The following PTPRM variants were observed in gnomAD, a reference collection of about 807,000 sequenced individuals.
The protein encoded by PTPRM is receptor-type tyrosine-protein phosphatase mu.
PTPRM carries 47 observed loss-of-function variants against 186.7 expected under a neutral mutation model. The ratio of observed to expected loss-of-function variants is 0.25; its 90% CI spans 0.20 to 0.32. The LOEUF (loss-of-function observed/expected upper bound fraction) is 0.32, where lower values mean the gene tolerates loss of function less well. Ranked by LOEUF, PTPRM falls within the 10% of genes least tolerant of loss-of-function variation. The pLI is 1.00. For missense variants in PTPRM, 1,494 were observed against 1,865.0 expected, an observed-to-expected ratio of 0.80 and a Z score of 3.66; for synonymous variants, 668 against 674.9, an observed-to-expected ratio of 0.99 and a Z score of 0.16.
intron 14 of PTPRM, among the ~76,000 whole-genome samples, chr18:8,209,679 G>A (rs2093976175): frequency 6.6e-6 from 1 of 151,998 alleles, no homozygotes; most frequent in Non-Finnish European, 1.5e-5. Flanking sequence ...TTTAAAATGA[G>A]GCAATTAGGG....
At chr18:7,648,094 A>G (rs2038607750) in intron 1 of PTPRM, among the ~76,000 whole-genome samples, 1 of 152,098 alleles carries the variant, frequency 6.6e-6, no homozygotes, top group Admixed American at 6.5e-5. Context: ...TCAGATTTTG[A>G]TAATTCTCAC....
chr18:8,158,706 C>T (rs561004296), intron 14 of PTPRM, among the ~76,000 whole-genome samples: 1 of 152,244 alleles, frequency 6.6e-6, no homozygotes, highest in Admixed American at 6.5e-5. Context: ...AAGCATGGTG[C>T]CAGCATCTGT....
chr18:7,810,853 C>T (rs1426634914), intron 2 of PTPRM, among the ~76,000 whole-genome samples: 2 of 152,100 alleles, frequency 1.3e-5, no homozygotes, highest in African/African-American at 2.4e-5. Flanking sequence ...TTACCAAAAC[C>T]CCTTTTCATT....
chr18:8,236,933 A>G (rs971985213), intron 14 of PTPRM, among the ~76,000 whole-genome samples: 3 of 152,066 alleles, frequency 2.0e-5, no homozygotes, highest in African/African-American at 7.2e-5. Context: ...TGTTGCTCTT[A>G]TTCTTTCTTT....
intron 2 of PTPRM, among the ~76,000 whole-genome samples, chr18:7,887,089 T>G (rs994123483): frequency 6.6e-6 from 1 of 152,172 alleles, no homozygotes; most frequent in Non-Finnish European, 1.5e-5. Flanking sequence ...GTGTAGTATT[T>G]TTATTTTTTT....
intron 11 of PTPRM, among the ~76,000 whole-genome samples, chr18:8,095,000 G>A (rs891415990): frequency 1.3e-5 from 2 of 152,138 alleles, no homozygotes; most frequent in African/African-American, 4.8e-5. Context: ...TCCACAGCAA[G>A]GATAATACCC....
chr18:8,119,665 T>A (rs1299161674), intron 13 of PTPRM, among the ~76,000 whole-genome samples: 1 of 152,192 alleles, frequency 6.6e-6, no homozygotes, highest in Admixed American at 6.5e-5. Context: ...GGAAAAACCC[T>A]ATGCTTTCCA....
intron 1 of PTPRM, among the ~76,000 whole-genome samples, chr18:7,634,288 C>G (rs2038261711): frequency 6.6e-6 from 1 of 152,044 alleles, no homozygotes. Flanking sequence ...TCCCATTGTA[C>G]TGTTGCCTCT....
intron 1 of PTPRM, among the ~76,000 whole-genome samples, chr18:7,708,929 C>T (rs1164547970): frequency 1.3e-5 from 2 of 152,076 alleles, no homozygotes; most frequent in Non-Finnish European, 2.9e-5. Flanking sequence ...AAAATGTGTT[C>T]AGGTTTGCTC....
chr18:7,627,857 T>G (rs1472000534), intron 1 of PTPRM, among the ~76,000 whole-genome samples: 2 of 152,198 alleles, frequency 1.3e-5, no homozygotes, highest in Non-Finnish European at 2.9e-5. Context: ...AATGGGGTGT[T>G]GTGCGGTGCT....
At chr18:7,780,076 C>T (rs755006156) in intron 2 of PTPRM, among the ~76,000 whole-genome samples, 1 of 152,152 alleles carries the variant, frequency 6.6e-6, no homozygotes, top group Non-Finnish European at 1.5e-5. Flanking sequence ...TTCCATATAG[C>T]TTTCTTCTCT....
intron 7 of PTPRM, among the ~76,000 whole-genome samples, chr18:8,033,319 T>C (rs1480566595): frequency 6.6e-6 from 1 of 152,130 alleles, no homozygotes; most frequent in Non-Finnish European, 1.5e-5. Flanking sequence ...ACATATGTAC[T>C]ATACATACAC....
chr18:8,389,658 G>T (rs1037736681), intron 31 of PTPRM, among the ~76,000 whole-genome samples: 1 of 152,188 alleles, frequency 6.6e-6, no homozygotes, highest in African/African-American at 2.4e-5. Context: ...TAGGCCTGGT[G>T]AGAATGTTTA....
intron 8 of PTPRM, 117 bp downstream of exon 8, chr18:8,070,111 C>A: frequency 1.1e-6 from 1 of 897,856 alleles, no homozygotes; most frequent in Non-Finnish European, 1.7e-6. Flanking sequence ...TTGAACAACA[C>A]AAATGTGTAT....
chr18:8,000,389 GTTTA>G (rs902793545), intron 7 of PTPRM, among the ~76,000 whole-genome samples: 5 of 152,164 alleles, frequency 3.3e-5, no homozygotes, highest in Admixed American at 3.3e-4. Flanking sequence ...ATATCAATTT[GTTTA>G]TTCCCCTCTT....
intron 14 of PTPRM, among the ~76,000 whole-genome samples, chr18:8,174,520 A>G (rs946970448): frequency 1.3e-5 from 2 of 152,218 alleles, no homozygotes; most frequent in Non-Finnish European, 1.5e-5. Context: ...ATTTGATGAA[A>G]GAATTATCAA....
intron 20 of PTPRM, 77 bp downstream of exon 20, chr18:8,296,532 C>A: frequency 9.1e-7 from 1 of 1,095,786 alleles, no homozygotes; most frequent in Non-Finnish European, 1.4e-6. Flanking sequence ...CAGGCTCATA[C>A]AGAGGAAATT....
chr18:7,587,600 C>A (rs1362843098), intron 1 of PTPRM, among the ~76,000 whole-genome samples: 1 of 152,078 alleles, frequency 6.6e-6, no homozygotes, highest in African/African-American at 2.4e-5. Context: ...TCCTCAATGA[C>A]TGTTAATTTC....
chr18:8,201,132 A>G (rs577511617), intron 14 of PTPRM, among the ~76,000 whole-genome samples: 21 of 152,282 alleles, frequency 1.4e-4, no homozygotes, highest in Admixed American at 1.1e-3. Flanking sequence ...ACTGGCCAAC[A>G]TAGCAAAACC....
Sources: gnomAD v4.1 joint callset for allele counts (sites outside exome capture counted in the v4.1 genomes callset) on GRCh38, gnomAD v4.1.1 for gene constraint, MANE v1.5 for transcripts, NCBI Gene and HGNC (gene_info 2026-07-23, HGNC 2026-07-21) for gene names.